SPATA3: variants seen among roughly 807,000 people sequenced by gnomAD.
SPATA3 encodes the protein spermatogenesis-associated protein 3.
Under a neutral mutation model 5.7 loss-of-function variants are expected in SPATA3, and 6 were observed. The observed-to-expected ratio is 1.06, with a 90% CI of 0.58 to 2.09. The LOEUF (loss-of-function observed/expected upper bound fraction) is 2.09. SPATA3 is among the 30% of genes most tolerant of loss of function. The pLI, the probability that SPATA3 is intolerant of heterozygous loss-of-function variation, is 0.00. For synonymous variants in SPATA3, 44 were observed against 48.4 expected (o/e 0.91, Z 0.37); for missense variants, 155 against 130.4 (o/e 1.19, Z -0.92).
chr2:230,996,311 C>G, intron 1 of SPATA3: 1 of 1,551,522 alleles, frequency 6.4e-7, no homozygotes, highest in Non-Finnish European at 8.7e-7. Context: ...GCTCCAATTC[C>G]ACCTCTCAGC....
At chr2:231,006,345 C>CA (rs369604434), downstream of SPATA3, among the ~76,000 whole-genome samples, 53,078 of 148,936 alleles carry the variant, frequency 0.36, 9,588 homozygotes, top group East Asian at 0.46. Flanking sequence ...ACTAAAAATA[C>CA]AAAAAAAAAT....
chr2:231,011,579 T>C (rs1386522110), downstream of SPATA3, among the ~76,000 whole-genome samples: 7 of 151,746 alleles, frequency 4.6e-5, no homozygotes, highest in Admixed American at 4.6e-4. Flanking sequence ...CTGGTCTCCA[T>C]CCTCCCCACC....
At chr2:231,015,291 G>C (rs1233789422) in intron 6 of SPATA3, among the ~76,000 whole-genome samples, 2 of 115,552 alleles carry the variant, frequency 1.7e-5, no homozygotes, top group East Asian at 2.3e-4. Context: ...GTAGAAACAG[G>C]GTTTCACCAT....
chr2:230,998,113 T>C (rs1221814786), intron 1 of SPATA3, among the ~76,000 whole-genome samples: 1 of 152,156 alleles, frequency 6.6e-6, no homozygotes, highest in East Asian at 1.9e-4. Flanking sequence ...GAGCATCTCC[T>C]GGATCTGCCA....
At chr2:231,000,482 C>G in exon 2 of SPATA3, 1 of 1,549,774 alleles carries the variant, frequency 6.5e-7, no homozygotes, top group Non-Finnish European at 8.7e-7. Flanking sequence ...CCTTCTGCCT[C>G]GGGACTGGCA....
At chr2:231,015,406 C>A (rs115680185) in intron 6 of SPATA3, among the ~76,000 whole-genome samples, 17 of 151,864 alleles carry the variant, frequency 1.1e-4, no homozygotes, top group South Asian at 6.2e-4. Context: ...GGAATGCCAA[C>A]GCAGGGAATT....
rs1425548969 is a variant in SPATA3 at position 230,999,161 on chromosome 2, C to G, written c.791-1205C>G. ...GTGAAAGAATCCAGTCTCCCAGAAA[C>G]CCACACATCGAATGATTCTATTTAC... On this transcript the variant is annotated intron_variant, in intron 1 of 2. Coordinates refer to ENST00000645363, the Ensembl canonical transcript of SPATA3. 2.6e-5 allele frequency among the ~76,000 whole-genome samples: 4 copies of G among 152,158 alleles called. No individual in the cohort carries two copies. The East Asian group carries it at 5.8e-4, about 22-fold the overall frequency.
At chr2:231,008,335 G>T (rs776855054), downstream of SPATA3, among the ~76,000 whole-genome samples, 1 of 151,922 alleles carries the variant, frequency 6.6e-6, no homozygotes, top group Non-Finnish European at 1.5e-5. Flanking sequence ...CACTGGAACG[G>T]TGACAGCGGC....
At chr2:231,011,837 G>A (rs531443200), downstream of SPATA3, among the ~76,000 whole-genome samples, 2 of 152,320 alleles carry the variant, frequency 1.3e-5, no homozygotes, top group Non-Finnish European at 2.9e-5. Context: ...ACTTCAGGCT[G>A]CTATTACAGG....
chr2:231,002,383 G>C (rs1054450205), intron 2 of SPATA3, among the ~76,000 whole-genome samples: 2 of 152,130 alleles, frequency 1.3e-5, no homozygotes, highest in African/African-American at 4.8e-5. Context: ...TGGGTGTGAG[G>C]TATTTAGCAC....
intron 1 of SPATA3, chr2:230,996,232 C>T (rs1692112957): frequency 6.5e-7 from 1 of 1,549,814 alleles, no homozygotes; most frequent in Non-Finnish European, 8.7e-7. Flanking sequence ...GGAGGATCTA[C>T]CATGAAGAAG....
At chr2:231,006,002 A>T (rs1445437056), downstream of SPATA3, among the ~76,000 whole-genome samples, 1 of 58,436 alleles carries the variant, frequency 1.7e-5, no homozygotes, top group African/African-American at 5.9e-5. Context: ...TGTCTCTACA[A>T]AAAAAAAAAA....
At position 230,996,589 on chromosome 2, in the gene SPATA3, G is replaced by A. The variant is rs572072285; in HGVS notation, c.791-3777G>A. 735 of 1,530,654 alleles carry A rather than the reference G, an allele frequency of 4.8e-4. 2 individuals carry two copies. The highest frequency in any genetic ancestry group is 1.4e-3 in the Middle Eastern group (8 of 5,892). 94.8% of individuals were successfully genotyped at this position (1,530,654 alleles called of 1,614,324 possible). ...AGCCTTCCTGCTGATGGAGTTCTGG[G>A]TCATCCCAAAGGCTGGTTCTTGTAG... On this transcript the variant is annotated intron_variant, in intron 1 of 2. Transcript: ENST00000645363.
At chr2:231,016,954 G>A (rs535699434) in intron 6 of SPATA3, among the ~76,000 whole-genome samples, 2 of 152,296 alleles carry the variant, frequency 1.3e-5, no homozygotes, top group Admixed American at 1.3e-4. Flanking sequence ...TGATGATACA[G>A]GATTTTATAC....
intron 6 of SPATA3, among the ~76,000 whole-genome samples, chr2:231,014,778 C>T (rs921042053): frequency 2.6e-5 from 4 of 152,096 alleles, no homozygotes; most frequent in African/African-American, 9.7e-5. Flanking sequence ...GAGGTGTTGG[C>T]CAAACACTTC....
At chr2:230,996,207 TC>T (rs1188194810) in intron 1 of SPATA3, 1 of 1,538,176 alleles carries the variant, frequency 6.5e-7, no homozygotes, top group South Asian at 1.2e-5. Context: ...TCCATGTAGG[TC>T]CACGTTTAGG....
chr2:231,009,500 A>G (rs1457304952), downstream of SPATA3, among the ~76,000 whole-genome samples: 1 of 152,228 alleles, frequency 6.6e-6, no homozygotes, highest in Non-Finnish European at 1.5e-5. Flanking sequence ...GCAATGCACA[A>G]GACAGACCAC....
chr2:231,019,828 A>G lies in SPATA3; in HGVS notation c.*674A>G, dbSNP rs1161149409. The G allele has an allele frequency of 1.3e-5, 2 of 150,874 alleles. 1 individual carries two copies. Among genetic ancestry groups the G allele is most frequent in the East Asian group, 4.1e-4 (2 of 4,860 alleles). 9.3% of individuals were successfully genotyped at this position (150,874 alleles called of 1,614,324 possible). ...ACTATCATTACCTCTATTGGGACCC[A>G]GAAACCAATACCCCAAAATATGGTG... is the stretch of plus-strand genomic sequence containing the variant. On this transcript the variant is annotated 3_prime_UTR_variant, in exon 7 of 9. Transcript: ENST00000452881.
rs745904 is a variant in SPATA3, at chr2:231,016,334, T to A, written c.*565+2122T>A. The stretch of plus-strand genomic sequence containing the variant: ...TCTCCACTGCGGTGAAAAGCACGGG[T>A]CATTTCTGTCTATGCCCCACCACCC... On this transcript the variant is annotated intron_variant, in intron 6 of 8. Coordinates refer to the SPATA3 transcript ENST00000452881. 5.6e-3 allele frequency among the ~76,000 whole-genome samples: 846 copies of A among 151,778 alleles called. 6 individuals are homozygous for A. The highest frequency in any genetic ancestry group is 0.019 in the African/African-American group (797 of 41,384).
Sources: gnomAD v4.1 joint callset for allele counts (sites outside exome capture counted in the v4.1 genomes callset) on GRCh38, gnomAD v4.1.1 for gene constraint, MANE v1.5 for transcripts, NCBI Gene and HGNC (gene_info 2026-07-23, HGNC 2026-07-21) for gene names.